Variants in EDARADD observed in about 807,000 individuals in gnomAD.
The protein encoded by EDARADD is EDAR associated via death domain.
EDARADD carries 20 observed loss-of-function variants against 25.6 expected under a neutral mutation model. The ratio of observed to expected loss-of-function variants is 0.78; its 90% CI spans 0.55 to 1.14. The LOEUF (loss-of-function observed/expected upper bound fraction) is 1.14. Ranked by LOEUF, EDARADD falls within the 50% of genes most tolerant of loss-of-function variation. The pLI is 0.00. For synonymous variants in EDARADD, 86 were observed against 94.4 expected (o/e 0.91, Z 0.52); for missense variants, 225 against 270.1 (o/e 0.83, Z 1.17).
At chr1:236,442,769 T>C (rs1302618030) in intron 4 of EDARADD, among the ~76,000 whole-genome samples, 1 of 152,218 alleles carries the variant, frequency 6.6e-6, no homozygotes, top group African/African-American at 2.4e-5. Flanking sequence ...TTGACGATGT[T>C]CCTGGTCACC....
intron 5 of EDARADD, 108 bp from the exon 6 acceptor site, chr1:236,482,159 T>A: frequency 7.6e-7 from 1 of 1,320,072 alleles, no homozygotes; most frequent in Non-Finnish European, 1.1e-6. Flanking sequence ...TGAAATAGTC[T>A]TCCATATGAT....
At chr1:236,393,673 A>G (rs1376051764), upstream of EDARADD, among the ~76,000 whole-genome samples, 1 of 152,118 alleles carries the variant, frequency 6.6e-6, no homozygotes, top group Non-Finnish European at 1.5e-5. Context: ...CTGGGGTTAC[A>G]GGTGTGAGCC....
chr1:236,413,476 A>C (rs532471873), intron 2 of EDARADD, among the ~76,000 whole-genome samples: 1 of 152,084 alleles, frequency 6.6e-6, no homozygotes, highest in South Asian at 2.1e-4. Context: ...TTCAGGTGTA[A>C]TTTTGTTCAG....
intron 3 of EDARADD, among the ~76,000 whole-genome samples, chr1:236,358,420 G>T (rs1410639259): frequency 6.6e-6 from 1 of 152,134 alleles, no homozygotes; most frequent in African/African-American, 2.4e-5. Flanking sequence ...GTTATTTCTT[G>T]TCTTCTGCTA....
At chr1:236,400,720 AT>A (rs55864840) in intron 1 of EDARADD, among the ~76,000 whole-genome samples, 13,547 of 121,060 alleles carry the variant, frequency 0.11, 645 homozygotes, top group Admixed American at 0.18. Context: ...ACACCCGGCT[AT>A]TTTTTTTTTT....
At chr1:236,469,147 A>G (rs1659293007) in intron 5 of EDARADD, among the ~76,000 whole-genome samples, 1 of 152,134 alleles carries the variant, frequency 6.6e-6, no homozygotes, top group African/African-American at 2.4e-5. Flanking sequence ...ATTAATCAGA[A>G]GGGATAGGGA....
At chr1:236,392,952 AT>A (rs1217798064), upstream of EDARADD, among the ~76,000 whole-genome samples, 1 of 151,902 alleles carries the variant, frequency 6.6e-6, no homozygotes, top group African/African-American at 2.4e-5. Context: ...TCCAGCTAAT[AT>A]TTAAATTATT....
At position 236,468,232 on chromosome 1, in the gene EDARADD, G is replaced by A; in HGVS notation, c.221G>A (p.Gly74Glu). 6.2e-7 allele frequency: 1 copy of A among 1,613,986 alleles called. No homozygotes were observed. The highest frequency in any genetic ancestry group is 8.5e-7 in the Non-Finnish European group (1 of 1,179,890). The change falls in exon 5 of 6, where the codon GGA (glycine) becomes GAA (glutamate). Residue 74 changes from glycine to glutamate, a missense_variant and splice_region_variant. Physicochemically the swap from Gly to Glu is moderately conservative, Grantham distance 98 (BLOSUM62 -2). Coordinates refer to ENST00000334232, the MANE Select transcript of EDARADD (RefSeq NM_145861.4). The stretch of plus-strand genomic sequence containing the variant: ...TGAAGGTTGCTTTTTGGTTTTTAGG[G>A]AGAAGAAAATGGCTTTCCAGATAGC... Reference protein sequence around the residue: ...CPRNSDMKNQGEENGFPDSTG... With the variant: ...CPRNSDMKNQEEENGFPDSTG...
chr1:236,393,703 T>C (rs1041152750), upstream of EDARADD, among the ~76,000 whole-genome samples: 1 of 152,202 alleles, frequency 6.6e-6, no homozygotes, highest in Non-Finnish European at 1.5e-5. Flanking sequence ...AGCCCAAAAA[T>C]GTCTATTTTC....
intron 3 of EDARADD, among the ~76,000 whole-genome samples, chr1:236,352,085 C>A (rs1542155): frequency 6.6e-6 from 1 of 151,990 alleles, no homozygotes; most frequent in Non-Finnish European, 1.5e-5. Flanking sequence ...CAGCTTGGCC[C>A]ACACCCTGGT....
intron 1 of EDARADD, among the ~76,000 whole-genome samples, chr1:236,403,744 C>T (rs2103004565): frequency 6.6e-6 from 1 of 152,298 alleles, no homozygotes; most frequent in South Asian, 2.1e-4. Context: ...TTAGGACCCA[C>T]AGAAAGAAAA....
At chr1:236,435,715 T>A (rs1402153147) in intron 4 of EDARADD, among the ~76,000 whole-genome samples, 2 of 152,230 alleles carry the variant, frequency 1.3e-5, no homozygotes, top group African/African-American at 4.8e-5. Context: ...GCTTCCTTTC[T>A]ACTTTTCAGG....
intron 3 of EDARADD, among the ~76,000 whole-genome samples, chr1:236,417,460 A>G (rs1343309551): frequency 6.6e-6 from 1 of 152,176 alleles, no homozygotes; most frequent in Admixed American, 6.5e-5. Flanking sequence ...GTGTAATTTC[A>G]TTTGTCAGCA....
chr1:236,447,220 CT>C (rs1440987307), intron 4 of EDARADD, among the ~76,000 whole-genome samples: 4 of 34,224 alleles, frequency 1.2e-4, no homozygotes, highest in South Asian at 1.3e-3. Flanking sequence ...TTCTTTCTTT[CT>C]TTCCTTTCTT....
intron 3 of EDARADD, among the ~76,000 whole-genome samples, chr1:236,364,820 C>A (rs1253093278): frequency 6.6e-6 from 1 of 152,182 alleles, no homozygotes; most frequent in African/African-American, 2.4e-5. Context: ...ACATAGATAT[C>A]ATGACATCTA....
In EDARADD at chr1:236,394,471, G is replaced by T. The variant is rs966365; in HGVS notation, c.27G>T (p.Met9Ile). ...TGGGCCTCAGGACGACTAAACAGATGGGGAGAGGCACTAAAGCTCCTGGTC... is the reference window on the plus strand; with the variant it reads ...TGGGCCTCAGGACGACTAAACAGATTGGGAGAGGCACTAAAGCTCCTGGTC... Reference protein sequence around the residue: MGLRTTKQMGRGTKAPGHQ... With the variant: MGLRTTKQIGRGTKAPGHQ... The change falls in exon 1 of 6, where the codon ATG becomes ATT. Residue 9 changes from methionine to isoleucine, a missense_variant. Transcript: ENST00000334232. 1 of 1,613,882 alleles carries T rather than the reference G, an allele frequency of 6.2e-7. No homozygotes were observed. The highest frequency in any genetic ancestry group is 2.2e-5 in the East Asian group (1 of 44,876).
chr1:236,469,603 G>T (rs986367930), intron 5 of EDARADD, among the ~76,000 whole-genome samples: 1 of 152,094 alleles, frequency 6.6e-6, no homozygotes, highest in Non-Finnish European at 1.5e-5. Context: ...CTTAAGCAGG[G>T]TGGGGAACCC....
chr1:236,464,434 T>TGC (rs1659131008), intron 4 of EDARADD, among the ~76,000 whole-genome samples: 8 of 106,222 alleles, frequency 7.5e-5, no homozygotes, highest in Middle Eastern at 4.4e-3. Flanking sequence ...TTTTTTTTTT[T>TGC]TTTTTTTTTT....
chr1:236,484,109 A>G lies in EDARADD; in HGVS notation c.*1460A>G. 1 of 1,563,386 alleles carries G rather than the reference A, an allele frequency of 6.4e-7. No individual in the cohort carries two copies. ...TCACGGCCAGTGCAGGAATCCAGGT[A>G]GTGGAGGATGATCTCAGAGTGACCA... On this transcript the variant is annotated 3_prime_UTR_variant, in exon 6 of 6. Transcript: ENST00000334232. The surrounding 1 kb of genome is among the most constrained non-coding windows in gnomAD (Gnocchi z 4.1).
Sources: allele counts gnomAD v4.1 joint callset (sites outside exome capture counted in the v4.1 genomes callset), GRCh38; gene constraint gnomAD v4.1.1; non-coding constraint Gnocchi (gnomAD v3.1); transcripts MANE v1.5; gene names NCBI Gene and HGNC (gene_info 2026-07-23, HGNC 2026-07-21).